PCDHGA9: variants seen among roughly 807,000 people sequenced by gnomAD.
PCDHGA9 encodes the protein protocadherin gamma subfamily A, 9.
In PCDHGA9, 37 loss-of-function variants were observed where a neutral mutation model predicts 62.5. The ratio of observed to expected loss-of-function variants is 0.59; its 90% confidence interval spans 0.46 to 0.78. The LOEUF (loss-of-function observed/expected upper bound fraction) is 0.78. Ranked by LOEUF, PCDHGA9 falls within the 30% of genes least tolerant of loss-of-function variation. The pLI is 0.00. For missense variants in PCDHGA9, 1,138 were observed against 1,166.2 expected, an observed-to-expected ratio of 0.98 and a Z score of 0.35; for synonymous variants, 459 against 484.6, an observed-to-expected ratio of 0.95 and a Z score of 0.69.
In PCDHGA9 at chr5:141,427,784, G is replaced by A. The variant is rs750188824; in HGVS notation, c.2424+22408G>A. 6.8e-6 allele frequency: 10 copies of A among 1,470,180 alleles called. No homozygotes were observed. The Admixed American group carries it at 1.3e-4, about 20-fold the overall frequency. 91.1% of individuals were successfully genotyped at this position (1,470,180 alleles called of 1,614,324 possible). Reference sequence around the variant, plus strand: ...CTGACTTGGAGCTGCGGGCACTGTCGTCCTACGTGTCCGTGAGCGCACAGA... The same window carrying A: ...CTGACTTGGAGCTGCGGGCACTGTCATCCTACGTGTCCGTGAGCGCACAGA... On this transcript the variant is annotated intron_variant, in intron 1 of 3. Coordinates refer to ENST00000573521, the MANE Select transcript of PCDHGA9 (RefSeq NM_018921.3).
intron 1 of PCDHGA9, chr5:141,412,510 T>G (rs1007512416): frequency 6.6e-6 from 1 of 152,204 alleles, no homozygotes; most frequent in Non-Finnish European, 1.5e-5. Flanking sequence ...ATAAGTTTAA[T>G]GAATTAAGTA....
At position 141,489,088 on chromosome 5, in the gene PCDHGA9, GAC is replaced by G; in HGVS notation, c.2425-5718_2425-5717del. 5.8e-6 allele frequency: 2 copies of G among 347,236 alleles called. No homozygotes were observed. The highest frequency in any genetic ancestry group is 4.7e-5 in the East Asian group (1 of 21,502). The allele number at this position is 347,236 out of a possible 1,614,324, so 21.5% of individuals were successfully genotyped here. A position where few individuals can be genotyped will look rare whatever the true frequency, so the allele number is the denominator to read the frequency against. ...CCCCTGCCCACCCCCGCCACTCGGT[GAC>G]TAAGAACTGCTGCAAGCAGGCAAAC... On this transcript the variant is annotated intron_variant, in intron 1 of 3. Transcript: ENST00000573521. The surrounding 1 kb of genome is among the most constrained non-coding windows in gnomAD (Gnocchi z 4.5).
In PCDHGA9 at chr5:141,499,962, A is replaced by G. The variant is rs147527188; in HGVS notation, c.2483+5097A>G. Among the ~76,000 whole-genome samples the G allele has an allele frequency of 3.7e-3, 563 of 152,178 alleles. 5 individuals are homozygous for G. Among genetic ancestry groups the G allele is most frequent in the Admixed American group, 0.011 (164 of 15,288 alleles). On this transcript the variant is annotated intron_variant, in intron 2 of 3. Coordinates refer to ENST00000573521, the MANE Select transcript of PCDHGA9 (RefSeq NM_018921.3). ...CTCGGCCTCCCAAAATGTTGGGATT[A>G]CAGGTGTGAGCCACCTTGCCCGGCC...
chr5:141,446,266 A>C (rs1268290014), intron 1 of PCDHGA9, among the ~76,000 whole-genome samples: 1 of 152,174 alleles, frequency 6.6e-6, no homozygotes, highest in African/African-American at 2.4e-5. Context: ...TTATTAACTG[A>C]ATAAATACAA....
chr5:141,409,023 A>G, intron 1 of PCDHGA9: 4 of 1,614,044 alleles, frequency 2.5e-6, no homozygotes, highest in Non-Finnish European at 3.4e-6. Flanking sequence ...GAGGGGGTCA[A>G]TGCTGAGATA....
chr5:141,464,640 C>T (rs1482089475), intron 1 of PCDHGA9, among the ~76,000 whole-genome samples: 2 of 151,952 alleles, frequency 1.3e-5, no homozygotes, highest in Admixed American at 6.6e-5. Context: ...TTGTTGCCAA[C>T]CTGATGGGTA....
intron 1 of PCDHGA9, among the ~76,000 whole-genome samples, chr5:141,464,827 C>T (rs529757361): frequency 1.5e-4 from 23 of 152,246 alleles, no homozygotes; most frequent in African/African-American, 4.6e-4. Flanking sequence ...TAGCCTCGCA[C>T]TCCTGGGCTC....
chr5:141,409,522 G>A (rs371017853), intron 1 of PCDHGA9: 30 of 1,613,874 alleles, frequency 1.9e-5, no homozygotes, highest in Non-Finnish European at 2.3e-5. Flanking sequence ...GCATCACCTT[G>A]TATGTCGCTG....
chr5:141,424,956 T>C (rs1435882776), intron 1 of PCDHGA9, among the ~76,000 whole-genome samples: 3 of 152,176 alleles, frequency 2.0e-5, no homozygotes, highest in African/African-American at 7.2e-5. Context: ...TTCTAGGTAT[T>C]TGCCCCAAAT....
intron 1 of PCDHGA9, among the ~76,000 whole-genome samples, chr5:141,457,822 C>A (rs1477393535): frequency 6.6e-6 from 1 of 152,178 alleles, no homozygotes; most frequent in Non-Finnish European, 1.5e-5. Context: ...AAGATAAACT[C>A]AGAGCTTCCA....
At chr5:141,446,132 TA>T (rs1252851903) in intron 1 of PCDHGA9, among the ~76,000 whole-genome samples, 1 of 152,204 alleles carries the variant, frequency 6.6e-6, no homozygotes, top group African/African-American at 2.4e-5. Context: ...CAATAAGACT[TA>T]ATAATGGAAT....
Position 141,432,492 on chromosome 5 carries a change from C to A in PCDHGA9, c.2424+27116C>A. On this transcript the variant is annotated intron_variant, in intron 1 of 3. Transcript: ENST00000573521. The surrounding 1 kb of genome is among the most constrained non-coding windows in gnomAD (Gnocchi z 6.0). ...GACGGTTCCACTGGCGTGGAGCTGG[C>A]TCCCCGCTCCGCAGAGCCCGGCTAC... 6.2e-7 allele frequency: 1 copy of A among 1,614,168 alleles called. No individual in the cohort carries two copies. Among genetic ancestry groups the A allele is most frequent in the Admixed American group, 1.7e-5 (1 of 60,034 alleles).
Position 141,431,300 on chromosome 5 carries a change from A to G in PCDHGA9, c.2424+25924A>G, listed in dbSNP as rs200375087. 7.4e-6 allele frequency: 12 copies of G among 1,614,008 alleles called. No homozygotes were observed. Among genetic ancestry groups the G allele is most frequent in the Admixed American group, 1.7e-5 (1 of 60,010 alleles). ...CAGCCCGAACACTCACTTCTCCCTC[A>G]TCGTGCAAAATGGAGCCGACGGTAG... On this transcript the variant is annotated intron_variant, in intron 1 of 3. Coordinates refer to ENST00000573521, the MANE Select transcript of PCDHGA9 (RefSeq NM_018921.3). This position sits in a 1 kb window ranked among gnomAD's most constrained non-coding sequence, Gnocchi z 4.8.
Position 141,432,465 on chromosome 5 carries a change from C to G in PCDHGA9, c.2424+27089C>G. ...GAGATCCTGTACCCCGCCCTCCCCACGGACGGTTCCACTGGCGTGGAGCTG... is the reference window on the plus strand; with the variant it reads ...GAGATCCTGTACCCCGCCCTCCCCAGGGACGGTTCCACTGGCGTGGAGCTG... On this transcript the variant is annotated intron_variant, in intron 1 of 3. Transcript: ENST00000573521. The surrounding 1 kb of genome is among the most constrained non-coding windows in gnomAD (Gnocchi z 6.0). The G allele has an allele frequency of 6.2e-7, 1 of 1,614,222 alleles. No individual in the cohort carries two copies. Among genetic ancestry groups the G allele is most frequent in the Non-Finnish European group, 8.5e-7 (1 of 1,180,050 alleles).
intron 1 of PCDHGA9, 106 bp from the exon 2 acceptor site, chr5:141,494,701 C>T: frequency 6.3e-7 from 1 of 1,594,596 alleles, no homozygotes; most frequent in Admixed American, 1.7e-5. Flanking sequence ...CCGTTTTCTT[C>T]TCTGTGCCCA....
intron 1 of PCDHGA9, among the ~76,000 whole-genome samples, chr5:141,470,417 T>A (rs1482173610): frequency 6.6e-6 from 1 of 152,226 alleles, no homozygotes; most frequent in East Asian, 1.9e-4. Context: ...ATTTTATGTA[T>A]TTTTTCCTTG....
intron 1 of PCDHGA9, among the ~76,000 whole-genome samples, chr5:141,425,551 T>C (rs1472337722): frequency 1.3e-5 from 2 of 152,270 alleles, no homozygotes. Context: ...CAGAAACCTC[T>C]TTTATAAGTG....
intron 1 of PCDHGA9, chr5:141,427,571 G>T (rs1199845374): frequency 9.1e-6 from 6 of 662,944 alleles, no homozygotes; most frequent in Non-Finnish European, 1.7e-5. Context: ...GCAAGCCTCC[G>T]CTCTCATCCA....
In PCDHGA9 at chr5:141,408,560, A is replaced by G. The variant is rs368143982; in HGVS notation, c.2424+3184A>G. The G allele has an allele frequency of 6.3e-5, 102 of 1,613,910 alleles. No homozygotes were observed. Among genetic ancestry groups the G allele is most frequent in the Non-Finnish European group, 8.4e-5 (99 of 1,179,898 alleles). On this transcript the variant is annotated intron_variant, in intron 1 of 3. Coordinates refer to ENST00000573521, the MANE Select transcript of PCDHGA9 (RefSeq NM_018921.3). ...AAATCCTTTAAATATTTTTCATGTC[A>G]TTGTGGTGATTGAGGATGTTAATGA... is the stretch of plus-strand genomic sequence containing the variant.
Sources: allele counts gnomAD v4.1 joint callset (sites outside exome capture counted in the v4.1 genomes callset), GRCh38; gene constraint gnomAD v4.1.1; non-coding constraint Gnocchi (gnomAD v3.1); transcripts MANE v1.5; gene names NCBI Gene and HGNC (gene_info 2026-07-23, HGNC 2026-07-21).